NR2C2: variants seen among roughly 807,000 people sequenced by gnomAD.
The protein encoded by NR2C2 is Nuclear hormone receptor TR4.
In NR2C2, 6 loss-of-function variants were observed where a neutral mutation model predicts 62.9. The ratio of observed to expected loss-of-function variants is 0.10; its 90% CI spans 0.05 to 0.19. The LOEUF (loss-of-function observed/expected upper bound fraction) is 0.19, where lower values mean the gene tolerates loss of function less well. Ranked by LOEUF, NR2C2 falls within the 10% of genes least tolerant of loss-of-function variation. The pLI is 1.00. For synonymous variants in NR2C2, 272 were observed against 273.8 expected (o/e 0.99, Z 0.07); for missense variants, 479 against 762.7 (o/e 0.63, Z 4.38).
In NR2C2 at chr3:15,028,624, T is replaced by C. The variant is rs776746848; in HGVS notation, c.837T>C (p.Asn279=). The C allele has an allele frequency of 1.2e-5, 19 of 1,613,954 alleles. No homozygotes were observed. The South Asian group carries it at 2.1e-4, about 18-fold the overall frequency. The change falls in exon 8 of 14, where the codon AAT becomes AAC. Residue 279 remains asparagine, a synonymous_variant. Transcript: ENST00000425241. ...TSQGALGTLA[N]VVTSLANLSE... is the part of the protein sequence containing the mutation. ...AGGGAGCTCTGGGCACACTGGCAAATGTAGTGACCTCCCTTGCCAACCTAA... is the reference window on the plus strand; with the variant it reads ...AGGGAGCTCTGGGCACACTGGCAAACGTAGTGACCTCCCTTGCCAACCTAA...
intron 1 of NR2C2, among the ~76,000 whole-genome samples, chr3:14,976,384 T>G (rs1022402650): frequency 6.6e-6 from 1 of 152,156 alleles, no homozygotes; most frequent in African/African-American, 2.4e-5. Flanking sequence ...TCCTAGTGTC[T>G]CCAACATAGT....
chr3:14,972,202 T>C (rs1018708187), intron 1 of NR2C2, among the ~76,000 whole-genome samples: 4 of 148,874 alleles, frequency 2.7e-5, no homozygotes, highest in Non-Finnish European at 6.0e-5. Context: ...TGAGACAGTG[T>C]CTCATTCTGT....
At chr3:14,965,101 A>T (rs921959447) in intron 1 of NR2C2, among the ~76,000 whole-genome samples, 1 of 152,202 alleles carries the variant, frequency 6.6e-6, no homozygotes, top group African/African-American at 2.4e-5. Flanking sequence ...TGGGGAGAAC[A>T]TACAAACTCC....
chr3:14,954,496 T>C (rs1350212326), intron 1 of NR2C2, among the ~76,000 whole-genome samples: 4 of 152,134 alleles, frequency 2.6e-5, no homozygotes, highest in Non-Finnish European at 4.4e-5. Context: ...TCATCAGCTA[T>C]AGAATGGAGA....
At chr3:15,010,418 A>G (rs1490524839) in intron 2 of NR2C2, among the ~76,000 whole-genome samples, 5 of 152,086 alleles carry the variant, frequency 3.3e-5, no homozygotes, top group Admixed American at 6.5e-5. Flanking sequence ...TCTTTGAGAA[A>G]AAAAGAAAAG....
chr3:15,016,492 A>T (rs2041514889), intron 4 of NR2C2, among the ~76,000 whole-genome samples: 1 of 152,194 alleles, frequency 6.6e-6, no homozygotes, highest in African/African-American at 2.4e-5. Flanking sequence ...ATCTTGGTTG[A>T]GTGTGTAGTA....
chr3:15,000,232 C>G (rs1435434267), intron 1 of NR2C2, among the ~76,000 whole-genome samples: 1 of 152,072 alleles, frequency 6.6e-6, no homozygotes, highest in Non-Finnish European at 1.5e-5. Context: ...GAGTTTGATT[C>G]TTTTAGATTC....
chr3:14,956,838 CTG>C (rs770895107), intron 1 of NR2C2, among the ~76,000 whole-genome samples: 2 of 152,212 alleles, frequency 1.3e-5, no homozygotes, highest in Non-Finnish European at 2.9e-5. Context: ...ACCGCCCCGG[CTG>C]TGTGTGTGTT....
chr3:14,981,533 G>A (rs1414555903), intron 1 of NR2C2, among the ~76,000 whole-genome samples: 2 of 150,874 alleles, frequency 1.3e-5, no homozygotes, highest in East Asian at 3.9e-4. Flanking sequence ...AACCCAGGAG[G>A]TGGAGCTTGC....
At chr3:14,949,577 A>G (rs1221286229) in intron 1 of NR2C2, among the ~76,000 whole-genome samples, 2 of 152,240 alleles carry the variant, frequency 1.3e-5, no homozygotes, top group African/African-American at 2.4e-5. Context: ...TGATGAATAC[A>G]TGACTTGGGA....
chr3:15,041,407 C>T (rs933923590), intron 13 of NR2C2, among the ~76,000 whole-genome samples: 4 of 152,108 alleles, frequency 2.6e-5, no homozygotes, highest in African/African-American at 9.7e-5. Context: ...TGGAGCACAG[C>T]GACTCATTGT....
intron 7 of NR2C2, chr3:15,025,494 T>C (rs891113626): frequency 6.6e-6 from 1 of 152,266 alleles, no homozygotes; most frequent in Non-Finnish European, 1.5e-5. Flanking sequence ...AGAGGCAGAC[T>C]GTGTCCTACC....
rs1056256310 is a variant in NR2C2, at chr3:15,043,350, T to C, written c.*342T>C. On this transcript the variant is annotated 3_prime_UTR_variant, in exon 14 of 14. Transcript: ENST00000425241. ...AGAAAACTGAAAGAACCTGAGAGAATAGTATGTGTGTATATATATATATAA... is the reference window on the plus strand; with the variant it reads ...AGAAAACTGAAAGAACCTGAGAGAACAGTATGTGTGTATATATATATATAA... The C allele has an allele frequency of 6.0e-5, 10 of 166,778 alleles. No homozygotes were observed. Among genetic ancestry groups the C allele is most frequent in the South Asian group, 1.8e-4 (1 of 5,454 alleles). 10.3% of individuals were successfully genotyped at this position (166,778 alleles called of 1,614,324 possible). A position where few individuals can be genotyped will look rare whatever the true frequency, so the allele number is the denominator to read the frequency against.
rs1466709957 is a variant in NR2C2, at chr3:15,037,938, C to T, written c.1373-62C>T. The T allele has an allele frequency of 2.6e-6, 4 of 1,522,898 alleles. No individual in the cohort carries two copies. In the African/African-American group the frequency reaches 5.6e-5, roughly 21 times the overall value. The allele number at this position is 1,522,898 out of a possible 1,614,324, so 94.3% of individuals were successfully genotyped here. A position where few individuals can be genotyped will look rare whatever the true frequency, so the allele number is the denominator to read the frequency against. The stretch of plus-strand genomic sequence containing the variant: ...CCATTTCTTTCCATATGTGGCCCCT[C>T]AAATAAGCTGGTTTTATTGTTCTTA... On this transcript the variant is annotated intron_variant, in intron 11 of 13. Coordinates refer to ENST00000425241, the MANE Select transcript of NR2C2 (RefSeq NM_001291694.2).
At position 14,947,879 on chromosome 3, in the gene NR2C2, C is replaced by T. The variant is rs1387376678; in HGVS notation, c.-67C>T. ...CCCGCCGCAGACACGGGACCCGCTT[C>T]GAGGCCGCTTTGGCGCCAAATCCTG... On this transcript the variant is annotated 5_prime_UTR_variant, in exon 1 of 14. Coordinates refer to ENST00000425241, the MANE Select transcript of NR2C2 (RefSeq NM_001291694.2). 2 of 149,986 alleles carry T rather than the reference C, an allele frequency of 1.3e-5. No individual in the cohort carries two copies. Among genetic ancestry groups the T allele is most frequent in the Admixed American group, 1.3e-4 (2 of 15,114 alleles). 9.3% of individuals were successfully genotyped at this position (149,986 alleles called of 1,614,324 possible). A position where few individuals can be genotyped will look rare whatever the true frequency, so the allele number is the denominator to read the frequency against.
intron 1 of NR2C2, among the ~76,000 whole-genome samples, chr3:14,960,661 ATAGT>A (rs1399766618): frequency 1.2e-4 from 18 of 152,232 alleles, no homozygotes; most frequent in African/African-American, 4.1e-4. Context: ...ACATTGAACT[ATAGT>A]TAATAACAGA....
At chr3:14,975,569 C>G (rs1444305483) in intron 1 of NR2C2, among the ~76,000 whole-genome samples, 1 of 152,114 alleles carries the variant, frequency 6.6e-6, no homozygotes, top group Non-Finnish European at 1.5e-5. Flanking sequence ...ACAAACCTCT[C>G]TTGGTAATGG....
rs116420424 is a variant in NR2C2, at chr3:14,978,628, C to T, written c.-39-25248C>T. Among the ~76,000 whole-genome samples, 406 of 152,190 alleles carry T rather than the reference C, an allele frequency of 2.7e-3. 2 individuals are homozygous for T. Among genetic ancestry groups the T allele is most frequent in the African/African-American group, 9.2e-3 (382 of 41,526 alleles). On this transcript the variant is annotated intron_variant, in intron 1 of 13. Transcript: ENST00000425241. ...CTGCAGGGTACCACATGTCTTGTTG[C>T]CAGTCTTTTTGTCCTTGCTTGTTTT...
At chr3:15,031,962 CAGGT>C (rs1308325590) in intron 9 of NR2C2, among the ~76,000 whole-genome samples, 1 of 152,182 alleles carries the variant, frequency 6.6e-6, no homozygotes, top group Non-Finnish European at 1.5e-5. Flanking sequence ...CTCCTGACAT[CAGGT>C]GATCTGCCTG....
Sources: allele counts gnomAD v4.1 joint callset (sites outside exome capture counted in the v4.1 genomes callset), GRCh38; gene constraint gnomAD v4.1.1; transcripts MANE v1.5; gene names NCBI Gene and HGNC (gene_info 2026-07-23, HGNC 2026-07-21).